SDHAF4: variants seen among roughly 807,000 people sequenced by gnomAD.
The protein encoded by SDHAF4 is succinate dehydrogenase complex assembly factor 4.
SDHAF4 carries 14 observed loss-of-function variants against 14.3 expected under a neutral mutation model. That is an observed-to-expected ratio of 0.98 (90% CI 0.65 to 1.53). The LOEUF is 1.53. SDHAF4 is among the 40% of genes most tolerant of loss of function. The pLI, the probability that SDHAF4 is intolerant of heterozygous loss-of-function variation, is 0.00. For synonymous variants in SDHAF4, 63 were observed against 47.3 expected, an observed-to-expected ratio of 1.33 and a Z score of -1.36; for missense variants, 141 against 129.3, an observed-to-expected ratio of 1.09 and a Z score of -0.44.
downstream of SDHAF4, among the ~76,000 whole-genome samples, chr6:70,589,869 A>T (rs1765243202): frequency 6.6e-6 from 1 of 152,212 alleles, no homozygotes; most frequent in Non-Finnish European, 1.5e-5. Context: ...CCTTAATTCC[A>T]GCTGATGTCC....
intron 2 of SDHAF4, among the ~76,000 whole-genome samples, chr6:70,587,558 C>T (rs1765216073): frequency 2.6e-5 from 4 of 152,210 alleles, no homozygotes; most frequent in South Asian, 4.1e-4. Context: ...CTGTTTTTTC[C>T]ATATACAGAG....
chr6:70,586,625 T>G (rs1765204554), intron 2 of SDHAF4, among the ~76,000 whole-genome samples: 1 of 151,956 alleles, frequency 6.6e-6, no homozygotes, highest in South Asian at 2.1e-4. Flanking sequence ...ATAAATCTCT[T>G]CATTCATTCA....
chr6:70,567,185 G>A (rs1326630939), intron 1 of SDHAF4, among the ~76,000 whole-genome samples, 181 bp downstream of exon 1: 5 of 152,204 alleles, frequency 3.3e-5, no homozygotes, highest in Non-Finnish European at 7.3e-5. Flanking sequence ...GCAGCGCCCC[G>A]GGTCTCGGGT....
In SDHAF4 at chr6:70,566,967, G is replaced by T. The variant is rs199743679; in HGVS notation, c.27G>T (p.Leu9Phe). 5.0e-5 allele frequency: 79 copies of T among 1,592,602 alleles called. No homozygotes were observed. Among genetic ancestry groups the T allele is most frequent in the East Asian group, 2.3e-4 (10 of 43,884 alleles). The change falls in exon 1 of 3, where the codon TTG becomes TTT. Residue 9 changes from leucine (L) to phenylalanine (F), a missense_variant. Physicochemically the swap from Leu to Phe is conservative, Grantham distance 22. Coordinates refer to ENST00000370474, the MANE Select transcript of SDHAF4 (RefSeq NM_145267.3). MTPSRLPW[L>F]LSWVSATAWR... ...TGACCCCATCGAGGCTTCCCTGGTT[G>T]CTTAGCTGGGTCTCGGCCACGGCGT...
At chr6:70,598,065 G>C in the SDHAF4 span, among the ~76,000 whole-genome samples, 4 of 152,180 alleles carry the variant, frequency 2.6e-5, no homozygotes, top group African/African-American at 9.6e-5. Context: ...TGGGCACTTT[G>C]TTCTGTCTTC....
intron 1 of SDHAF4, among the ~76,000 whole-genome samples, chr6:70,575,899 AG>A (rs1443920992): frequency 6.6e-6 from 1 of 151,864 alleles, no homozygotes; most frequent in African/African-American, 2.4e-5. Flanking sequence ...TTGTTAAAAG[AG>A]GCTTTTGTTT....
Position 70,566,930 on chromosome 6 carries a change from G to T in SDHAF4, c.-11G>T, listed in dbSNP as rs1483744491. The T allele has an allele frequency of 3.8e-6, 6 of 1,575,120 alleles. No homozygotes were observed. The highest frequency in any genetic ancestry group is 3.5e-5 in the South Asian group (3 of 85,676). ...CTTTGCGCCTGCGCGGAGGCTCGGG[G>T]AGTCGGCGCCATGACCCCATCGAGG... On this transcript the variant is annotated 5_prime_UTR_variant, in exon 1 of 3. Coordinates refer to ENST00000370474, the MANE Select transcript of SDHAF4 (RefSeq NM_145267.3).
At chr6:70,585,064 G>T (rs1413664138) in intron 2 of SDHAF4, among the ~76,000 whole-genome samples, 1 of 152,174 alleles carries the variant, frequency 6.6e-6, no homozygotes, top group African/African-American at 2.4e-5. Flanking sequence ...GAGGAGCAGG[G>T]ACATCTTGAC....
downstream of SDHAF4, among the ~76,000 whole-genome samples, chr6:70,592,850 G>A (rs928500270): frequency 6.6e-6 from 1 of 152,214 alleles, no homozygotes; most frequent in African/African-American, 2.4e-5. Context: ...CCAAGGCACT[G>A]TTTGCTAAAG....
intron 1 of SDHAF4, among the ~76,000 whole-genome samples, chr6:70,574,934 A>G (rs1022488286): frequency 6.6e-6 from 1 of 152,172 alleles, no homozygotes; most frequent in Non-Finnish European, 1.5e-5. Context: ...GTTTCAAAAA[A>G]CAACAAAAAT....
intron 1 of SDHAF4, among the ~76,000 whole-genome samples, chr6:70,573,898 A>T (rs1581926949): frequency 6.6e-6 from 1 of 150,388 alleles, no homozygotes. Context: ...CTGGTCTGGA[A>T]CTCCTGACCT....
intron 1 of SDHAF4, among the ~76,000 whole-genome samples, chr6:70,573,551 A>C (rs531315844): frequency 6.6e-6 from 1 of 152,090 alleles, no homozygotes; most frequent in South Asian, 2.1e-4. Context: ...GGTGTGAGCC[A>C]CAATGCCCGG....
chr6:70,573,404 C>T (rs1246427904), intron 1 of SDHAF4, among the ~76,000 whole-genome samples: 2 of 151,152 alleles, frequency 1.3e-5, no homozygotes, highest in Non-Finnish European at 2.9e-5. Flanking sequence ...GCTGGGATTA[C>T]AGGCACCCTC....
At chr6:70,592,671 G>A (rs548999667), downstream of SDHAF4, among the ~76,000 whole-genome samples, 4 of 152,320 alleles carry the variant, frequency 2.6e-5, no homozygotes, top group African/African-American at 7.2e-5. Context: ...TTAGGCTATT[G>A]CATGGCTACT....
the SDHAF4 span, among the ~76,000 whole-genome samples, chr6:70,595,919 ACTAT>A: frequency 3.9e-5 from 6 of 151,956 alleles, no homozygotes; most frequent in African/African-American, 1.5e-4. Context: ...TTCTACACTA[ACTAT>A]CATGATGTGC....
At chr6:70,583,333 G>A (rs948071331) in intron 2 of SDHAF4, among the ~76,000 whole-genome samples, 5 of 152,106 alleles carry the variant, frequency 3.3e-5, no homozygotes, top group South Asian at 4.1e-4. Flanking sequence ...GGCTGGTCTC[G>A]AACTCCTGAC....
At position 70,588,817 on chromosome 6, in the gene SDHAF4, T is replaced by G; in HGVS notation, c.*93T>G. ...ATTTTCTTTCTTTATATCCTTTATG[T>G]CGTGTAGTTTGTATAATGTGTTTAA... On this transcript the variant is annotated 3_prime_UTR_variant, in exon 3 of 3. Transcript: ENST00000370474. 1 of 565,426 alleles carries G rather than the reference T, an allele frequency of 1.8e-6. No homozygotes were observed. The allele number at this position is 565,426 out of a possible 1,614,324, so 35.0% of individuals were successfully genotyped here.
chr6:70,579,410 C>T lies in SDHAF4; in HGVS notation c.65-4C>T, dbSNP rs764421786. The T allele has an allele frequency of 1.3e-6, 2 of 1,576,846 alleles. No individual in the cohort carries two copies. The highest frequency in any genetic ancestry group is 1.7e-6 in the Non-Finnish European group (2 of 1,162,052). On this transcript the variant is annotated splice_polypyrimidine_tract_variant and splice_region_variant and intron_variant, in intron 1 of 2. Coordinates refer to ENST00000370474, the MANE Select transcript of SDHAF4 (RefSeq NM_145267.3). Reference sequence around the variant, plus strand: ...CTATTTTTCTATTATCTCCACTCTTCTAGGATCACCCCTTCTGTGTCATTC... The same window carrying T: ...CTATTTTTCTATTATCTCCACTCTTTTAGGATCACCCCTTCTGTGTCATTC...
rs1307814692 is a variant in SDHAF4 at position 70,578,971 on chromosome 6, A to G, written c.65-443A>G. ...ACTGAGACTACGGGTGCATGCCACC[A>G]TGCCCAACTTGATGTATTCTTAAAT... is the stretch of plus-strand genomic sequence containing the variant. On this transcript the variant is annotated intron_variant, in intron 1 of 2. Coordinates refer to ENST00000370474, the MANE Select transcript of SDHAF4 (RefSeq NM_145267.3). Among the ~76,000 whole-genome samples the G allele has an allele frequency of 3.3e-5, 5 of 152,200 alleles. No individual in the cohort carries two copies. The South Asian group carries it at 8.3e-4, about 25-fold the overall frequency.
Sources: allele counts gnomAD v4.1 joint callset (sites outside exome capture counted in the v4.1 genomes callset), GRCh38; gene constraint gnomAD v4.1.1; transcripts MANE v1.5; gene names NCBI Gene and HGNC (gene_info 2026-07-23, HGNC 2026-07-21).